The following BRME1 variants were observed in gnomAD, a reference collection of about 807,000 sequenced individuals.
BRME1 encodes BRCA2 and MEILB2-associating protein 1.
In BRME1, 31 loss-of-function variants were observed where a neutral mutation model predicts 52.6. The ratio of observed to expected loss-of-function variants is 0.59; its 90% confidence interval spans 0.44 to 0.80. BRME1 has a LOEUF of 0.80. Ranked by LOEUF, BRME1 falls within the 30% of genes least tolerant of loss-of-function variation. The probability of loss-of-function intolerance (pLI) is 0.00; values close to 1 mark genes in which losing one functional copy is unlikely to be tolerated. For synonymous variants in BRME1, 359 were observed against 353.6 expected (o/e 1.02, Z -0.17); for missense variants, 804 against 860.3 (o/e 0.93, Z 0.82).
intron 2 of BRME1, 87 bp downstream of exon 2, chr19:13,904,775 G>T: frequency 1.5e-6 from 2 of 1,369,342 alleles, no homozygotes; most frequent in Non-Finnish European, 2.1e-6. Context: ...TAAGGCAGTC[G>T]TGTTAGCCAG....
chr19:13,904,949 G>A, intron 1 of BRME1, 36 bp from the exon 2 acceptor site: 1 of 1,521,430 alleles, frequency 6.6e-7, no homozygotes, highest in South Asian at 1.1e-5. Context: ...ATTATAAGCA[G>A]TCTCTGTCTC....
intron 6 of BRME1, among the ~76,000 whole-genome samples, chr19:13,887,295 G>A (rs535496857): frequency 6.6e-6 from 1 of 152,246 alleles, no homozygotes; most frequent in Non-Finnish European, 1.5e-5. Flanking sequence ...TGTGTTCCTT[G>A]CCTGGGTCGC....
Position 13,883,008 on chromosome 19 carries a change from G to A in BRME1, c.1857-56C>T, listed in dbSNP as rs1275037134. ...GCTCAGTGGTCACCAGGTGACAGAGGGGGCCGCGCCTCACAGCCACATGGT... is the reference window on the plus strand; with the variant it reads ...GCTCAGTGGTCACCAGGTGACAGAGAGGGCCGCGCCTCACAGCCACATGGT... On this transcript the variant is annotated intron_variant, in intron 8 of 8. Coordinates refer to ENST00000586783, the MANE Select transcript of BRME1 (RefSeq NM_001345843.2). The surrounding 1 kb of genome is among the most constrained non-coding windows in gnomAD (Gnocchi z 4.2). 1.3e-6 allele frequency: 2 copies of A among 1,578,170 alleles called. No homozygotes were observed. The highest frequency in any genetic ancestry group is 2.7e-5 in the African/African-American group (2 of 73,284).
intron 4 of BRME1, 107 bp downstream of exon 4, chr19:13,893,035 T>A: frequency 7.4e-7 from 1 of 1,359,982 alleles, no homozygotes; most frequent in Non-Finnish European, 1.0e-6. Flanking sequence ...CTCCAGCCCC[T>A]GTAGACCATG....
At chr19:13,899,480 C>T (rs1218860940) in intron 2 of BRME1, among the ~76,000 whole-genome samples, 1 of 152,008 alleles carries the variant, frequency 6.6e-6, no homozygotes, top group Non-Finnish European at 1.5e-5. Flanking sequence ...AGTTACAGTT[C>T]GGGAGTGCCC....
chr19:13,898,535 T>C (rs1289154626), intron 2 of BRME1, among the ~76,000 whole-genome samples: 1 of 149,374 alleles, frequency 6.7e-6, no homozygotes. Context: ...GCTTGAGCCC[T>C]GGAGGTTGAA....
intron 2 of BRME1, among the ~76,000 whole-genome samples, chr19:13,903,867 C>T (rs1285313819): frequency 6.6e-6 from 1 of 152,000 alleles, no homozygotes; most frequent in Non-Finnish European, 1.5e-5. Context: ...CTGGGATGAA[C>T]CCAGGTTTTG....
In BRME1 at chr19:13,889,774, C is replaced by T. The variant is rs751843990; in HGVS notation, c.1082G>A (p.Gly361Glu). 1.2e-6 allele frequency: 2 copies of T among 1,611,774 alleles called. No homozygotes were observed. Among genetic ancestry groups the T allele is most frequent in the African/African-American group, 2.7e-5 (2 of 74,936 alleles). The change falls in exon 6 of 9, where the codon GGG becomes GAG. Residue 361 changes from glycine (G) to glutamate (E), a missense_variant. Physicochemically the swap from Gly to Glu is moderately conservative, Grantham distance 98. Around this residue, in one of 3 missense-constraint regions of BRME1, gnomAD observed 552 missense variants for 561.1 expected, o/e 0.98. Transcript: ENST00000586783. ...ERALEVAGPD[G>E]QASAISPASP... ...GGCAGGTGATATGGCACTGGCCTGC[C>T]CATCGGGCCCAGCCACCTCCAGAGC...
chr19:13,889,524 T>C lies in BRME1; in HGVS notation c.1332A>G (p.Pro444=), dbSNP rs1226495741. 2.5e-6 allele frequency: 4 copies of C among 1,613,796 alleles called. No individual in the cohort carries two copies. Among genetic ancestry groups the C allele is most frequent in the Non-Finnish European group, 3.4e-6 (4 of 1,180,044 alleles). Residue 444 remains proline (P), a synonymous_variant, in exon 6 of 9, where the codon CCA becomes CCG. Coordinates refer to ENST00000586783, the MANE Select transcript of BRME1 (RefSeq NM_001345843.2). The part of the protein sequence containing the change: ...DSGHASPDTG[P]CVNQKQEPGP... Reference sequence around the variant, plus strand: ...CTGGCTCCTGCTTCTGATTGACACATGGACCTGTGTCCGGGGATGCATGAC... The same window carrying C: ...CTGGCTCCTGCTTCTGATTGACACACGGACCTGTGTCCGGGGATGCATGAC...
intron 3 of BRME1, 110 bp downstream of exon 3, chr19:13,895,261 CA>C: frequency 8.7e-7 from 1 of 1,155,566 alleles, no homozygotes; most frequent in South Asian, 1.7e-5. Context: ...GAGTGGGTCA[CA>C]GCACTAGATA....
At chr19:13,905,026 T>C in intron 1 of BRME1, 113 bp from the exon 2 acceptor site, 2 of 834,636 alleles carry the variant, frequency 2.4e-6, no homozygotes, top group Non-Finnish European at 4.0e-6. Flanking sequence ...CCCATTTGGC[T>C]GCCCCAGGGG....
At chr19:13,886,628 A>G (rs1398846002) in intron 6 of BRME1, among the ~76,000 whole-genome samples, 1 of 152,004 alleles carries the variant, frequency 6.6e-6, no homozygotes, top group Non-Finnish European at 1.5e-5. Flanking sequence ...TCCATGGAAA[A>G]TGTTAAGCTC....
At chr19:13,894,295 C>T (rs570917366) in intron 3 of BRME1, among the ~76,000 whole-genome samples, 2 of 152,246 alleles carry the variant, frequency 1.3e-5, no homozygotes, top group Admixed American at 6.5e-5. Context: ...GAGGCCGAGG[C>T]GGGCGGATCA....
intron 4 of BRME1, 71 bp downstream of exon 4, chr19:13,893,071 G>T: frequency 1.4e-6 from 2 of 1,459,792 alleles, no homozygotes; most frequent in Admixed American, 4.0e-5. Context: ...ACAAAGAAGG[G>T]AGACACAGAG....
At chr19:13,891,298 C>T (rs111675961) in intron 5 of BRME1, among the ~76,000 whole-genome samples, 4,081 of 151,480 alleles carry the variant, frequency 0.027, 174 homozygotes, top group African/African-American at 0.085. Flanking sequence ...TACAGGCTCG[C>T]GCCACCATGC....
At chr19:13,899,372 A>C (rs12978257) in intron 2 of BRME1, among the ~76,000 whole-genome samples, 1 of 151,908 alleles carries the variant, frequency 6.6e-6, no homozygotes, top group African/African-American at 2.4e-5. Context: ...ACTGGTTTTG[A>C]ACTCCTGATC....
At chr19:13,893,365 G>A (rs564381566) in intron 3 of BRME1, 142 bp from the exon 4 acceptor site, 15 of 672,282 alleles carry the variant, frequency 2.2e-5, no homozygotes, top group South Asian at 1.7e-4. Flanking sequence ...TGGTGAAACC[G>A]TATCTCTACT....
Position 13,883,477 on chromosome 19 carries a change from G to A in BRME1, c.1764-77C>T, listed in dbSNP as rs143109271. The A allele has an allele frequency of 4.8e-4, 516 of 1,071,790 alleles. 1 individual carries two copies. Among genetic ancestry groups the A allele is most frequent in the Non-Finnish European group, 6.4e-4 (464 of 729,532 alleles). The allele number at this position is 1,071,790 out of a possible 1,614,324, so 66.4% of individuals were successfully genotyped here. ...GAGCTCTCCAGTGGGAGGGGCTTCC[G>A]CAGGGCCTCGCGCCATCTTTTCCAG... On this transcript the variant is annotated intron_variant, in intron 7 of 8. Transcript: ENST00000586783. The surrounding 1 kb of genome is among the most constrained non-coding windows in gnomAD (Gnocchi z 4.2).
intron 2 of BRME1, among the ~76,000 whole-genome samples, chr19:13,904,153 G>A (rs556801375): frequency 5.3e-5 from 8 of 151,582 alleles, no homozygotes; most frequent in Admixed American, 2.0e-4. Flanking sequence ...CAGTCAGGAT[G>A]GAGTGCAGTG....
Sources: gnomAD v4.1 joint callset for allele counts (sites outside exome capture counted in the v4.1 genomes callset) on GRCh38, gnomAD v4.1.1 for gene constraint, gnomAD v4.1.1 regional missense constraint, Gnocchi (gnomAD v3.1) non-coding constraint, MANE v1.5 for transcripts, NCBI Gene and HGNC (gene_info 2026-07-23, HGNC 2026-07-21) for gene names.